EPB41L4A: variants seen among roughly 807,000 people sequenced by gnomAD.
The protein encoded by EPB41L4A is erythrocyte membrane protein band 4.1 like 4A.
A neutral mutation model predicts 108.6 loss-of-function variants in EPB41L4A; 100 were observed. The ratio of observed to expected loss-of-function variants is 0.92; its 90% confidence interval spans 0.78 to 1.09. The LOEUF (loss-of-function observed/expected upper bound fraction) is 1.09, where lower values mean the gene tolerates loss of function less well. Ranked by LOEUF, EPB41L4A falls within the 50% of genes least tolerant of loss-of-function variation. EPB41L4A has a pLI of 0.00. For missense variants in EPB41L4A, 1,030 were observed against 842.7 expected (o/e 1.22, Z -2.75); for synonymous variants, 319 against 289.0 (o/e 1.10, Z -1.05).
intron 1 of EPB41L4A, among the ~76,000 whole-genome samples, chr5:112,374,277 T>A (rs1474401578): frequency 6.6e-6 from 1 of 152,200 alleles, no homozygotes; most frequent in African/African-American, 2.4e-5. Flanking sequence ...AATGTTCTCA[T>A]TACCCAACAG....
chr5:112,380,792 T>TACACACACAC lies in EPB41L4A; in HGVS notation c.99+38139_99+38148dup, dbSNP rs34831455. Among the ~76,000 whole-genome samples the TACACACACAC allele has an allele frequency of 2.5e-3, 348 of 141,206 alleles. 4 individuals are homozygous for TACACACACAC. Among genetic ancestry groups the TACACACACAC allele is most frequent in the African/African-American group, 9.1e-3 (340 of 37,244 alleles). 92.6% of individuals were successfully genotyped at this position (141,206 alleles called of 152,430 possible). A position where few individuals can be genotyped will look rare whatever the true frequency, so the allele number is the denominator to read the frequency against. Reference sequence around the variant, plus strand: ...ACCCATCCTCTGCACATCACACACATACACACACACACACACACACACACA... The same window carrying TACACACACAC: ...ACCCATCCTCTGCACATCACACACATACACACACACACACACACACACACACACACACACA... On this transcript the variant is annotated intron_variant, in intron 1 of 22. Coordinates refer to ENST00000261486, the MANE Select transcript of EPB41L4A (RefSeq NM_022140.5).
At chr5:112,388,752 T>C (rs1760734859) in intron 1 of EPB41L4A, among the ~76,000 whole-genome samples, 1 of 152,184 alleles carries the variant, frequency 6.6e-6, no homozygotes, top group Non-Finnish European at 1.5e-5. Context: ...GGCTCTTTTT[T>C]CTCCCCGCAC....
At chr5:112,294,461 G>A (rs906731327) in intron 2 of EPB41L4A, among the ~76,000 whole-genome samples, 31 of 152,108 alleles carry the variant, frequency 2.0e-4, no homozygotes, top group African/African-American at 7.2e-4. Flanking sequence ...AAAAGTATCC[G>A]ATCAAATGGT....
At chr5:112,229,282 G>C (rs1167485125) in intron 12 of EPB41L4A, among the ~76,000 whole-genome samples, 4 of 152,010 alleles carry the variant, frequency 2.6e-5, no homozygotes, top group African/African-American at 9.7e-5. Flanking sequence ...AAATGGCAGA[G>C]GTGAATAGTT....
intron 18 of EPB41L4A, among the ~76,000 whole-genome samples, chr5:112,176,616 C>A (rs905791899): frequency 1.3e-5 from 2 of 152,126 alleles, no homozygotes; most frequent in African/African-American, 4.8e-5. Flanking sequence ...CATCTACTCT[C>A]TTCATTTCAC....
Position 112,335,881 on chromosome 5 carries a change from C to A in EPB41L4A, c.100-28391G>T, listed in dbSNP as rs1259233906. ...ATCACAGCTGGTGTTTCTCTCCCCTCACTCTGAGGGTCCAGCCACTCTGGA... is the reference window on the plus strand; with the variant it reads ...ATCACAGCTGGTGTTTCTCTCCCCTAACTCTGAGGGTCCAGCCACTCTGGA... On this transcript the variant is annotated intron_variant, in intron 1 of 22. Transcript: ENST00000261486. 2.0e-5 allele frequency among the ~76,000 whole-genome samples: 3 copies of A among 152,232 alleles called. No homozygotes were observed. In the East Asian group the frequency reaches 5.8e-4, roughly 29 times the overall value.
At chr5:112,160,053 G>A (rs1372143296), downstream of EPB41L4A, among the ~76,000 whole-genome samples, 1 of 150,150 alleles carries the variant, frequency 6.7e-6, no homozygotes, top group Non-Finnish European at 1.5e-5. Context: ...TGGGATTATA[G>A]ACGCCCGCCA....
At chr5:112,358,076 G>C (rs1758479319) in intron 1 of EPB41L4A, among the ~76,000 whole-genome samples, 1 of 152,206 alleles carries the variant, frequency 6.6e-6, no homozygotes, top group African/African-American at 2.4e-5. Flanking sequence ...CCTGGCCTTT[G>C]CCAACAATGA....
At chr5:112,273,116 A>G (rs1752380107) in intron 4 of EPB41L4A, among the ~76,000 whole-genome samples, 1 of 152,212 alleles carries the variant, frequency 6.6e-6, no homozygotes, top group African/African-American at 2.4e-5. Flanking sequence ...TTTTTCAGGT[A>G]CATTAATGGT....
At chr5:112,291,963 C>T (rs1000349272) in intron 2 of EPB41L4A, among the ~76,000 whole-genome samples, 1 of 152,200 alleles carries the variant, frequency 6.6e-6, no homozygotes, top group South Asian at 2.1e-4. Flanking sequence ...CAGGCCTCGG[C>T]CAGGAGCAGT....
At chr5:112,253,750 T>C (rs1750860529) in intron 9 of EPB41L4A, among the ~76,000 whole-genome samples, 1 of 152,232 alleles carries the variant, frequency 6.6e-6, no homozygotes, top group African/African-American at 2.4e-5. Context: ...TGAAGTAAAA[T>C]GTTAACCATA....
chr5:112,404,921 G>C (rs1761993393), intron 1 of EPB41L4A, among the ~76,000 whole-genome samples: 1 of 152,034 alleles, frequency 6.6e-6, no homozygotes, highest in Non-Finnish European at 1.5e-5. Flanking sequence ...TCCTCACAAG[G>C]CCTCACTTTC....
At chr5:112,195,936 G>C (rs138457098) in intron 15 of EPB41L4A, among the ~76,000 whole-genome samples, 1 of 152,056 alleles carries the variant, frequency 6.6e-6, no homozygotes, top group Non-Finnish European at 1.5e-5. Flanking sequence ...CAAACCGTCC[G>C]AATTCCATTA....
At chr5:112,204,768 T>C (rs1466904885) in intron 14 of EPB41L4A, 1 of 287,896 alleles carries the variant, frequency 3.5e-6, no homozygotes, top group African/African-American at 2.1e-5. Context: ...TTCATACATA[T>C]GATGAATTTA....
chr5:112,386,671 C>A (rs576075218), intron 1 of EPB41L4A, among the ~76,000 whole-genome samples: 1 of 152,134 alleles, frequency 6.6e-6, no homozygotes, highest in Non-Finnish European at 1.5e-5. Context: ...TATCAACTTT[C>A]TTTTTAATCC....
At chr5:112,276,637 T>C (rs1752645645) in intron 3 of EPB41L4A, among the ~76,000 whole-genome samples, 2 of 152,200 alleles carry the variant, frequency 1.3e-5, no homozygotes. Context: ...TTCGATACTA[T>C]CTAAACTGAT....
At chr5:112,354,588 C>G (rs1220143284) in intron 1 of EPB41L4A, among the ~76,000 whole-genome samples, 2 of 152,162 alleles carry the variant, frequency 1.3e-5, no homozygotes, top group Admixed American at 6.5e-5. Context: ...ACCTCGCTTC[C>G]AAAATTTAAC....
At chr5:112,154,736 C>T (rs1288573351) in intron 12 of EPB41L4A, among the ~76,000 whole-genome samples, 3 of 152,128 alleles carry the variant, frequency 2.0e-5, no homozygotes, top group Non-Finnish European at 4.4e-5. Flanking sequence ...TGGAGTGATT[C>T]ATCATTGCTA....
At chr5:112,323,312 A>G (rs184061842) in intron 1 of EPB41L4A, among the ~76,000 whole-genome samples, 96 of 152,338 alleles carry the variant, frequency 6.3e-4, no homozygotes, top group African/African-American at 2.1e-3. Context: ...TTAGGCAGCA[A>G]TAAGAAAAGA....
Sources: allele counts gnomAD v4.1 joint callset (sites outside exome capture counted in the v4.1 genomes callset), GRCh38; gene constraint gnomAD v4.1.1; transcripts MANE v1.5; gene names NCBI Gene and HGNC (gene_info 2026-07-23, HGNC 2026-07-21).